Variants in RSBN1L observed in about 807,000 individuals in gnomAD.
RSBN1L encodes round spermatid basic protein 1 like.
A neutral mutation model predicts 67.7 loss-of-function variants in RSBN1L; 30 were observed. The ratio of observed to expected loss-of-function variants is 0.44; its 90% CI spans 0.33 to 0.60. The LOEUF (loss-of-function observed/expected upper bound fraction) is 0.60. Ranked by LOEUF, RSBN1L falls within the 20% of genes least tolerant of loss-of-function variation. The pLI, the probability that RSBN1L is intolerant of heterozygous loss-of-function variation, is 0.02. For synonymous variants in RSBN1L, 433 were observed against 387.0 expected, an observed-to-expected ratio of 1.12 and a Z score of -1.39; for missense variants, 992 against 1,031.7, an observed-to-expected ratio of 0.96 and a Z score of 0.53.
intron 7 of RSBN1L, 27 bp from the exon 8 acceptor site, chr7:77,778,503 T>C (rs1238833751): frequency 6.3e-7 from 1 of 1,596,812 alleles, no homozygotes; most frequent in South Asian, 1.1e-5. Context: ...GAGAGTTATT[T>C]GTATTTCTTG....
intron 1 of RSBN1L, among the ~76,000 whole-genome samples, chr7:77,709,838 A>G (rs1263949078): frequency 3.9e-5 from 6 of 152,192 alleles, no homozygotes; most frequent in Non-Finnish European, 8.8e-5. Context: ...GTCCATTTTT[A>G]AATCTATATA....
chr7:77,761,349 AC>A (rs1323775073), intron 3 of RSBN1L, among the ~76,000 whole-genome samples: 1 of 152,148 alleles, frequency 6.6e-6, no homozygotes, highest in African/African-American at 2.4e-5. Context: ...AAGAAGAAGA[AC>A]TTTTATGAGC....
At chr7:77,767,447 C>A (rs1791784124) in intron 4 of RSBN1L, among the ~76,000 whole-genome samples, 1 of 151,994 alleles carries the variant, frequency 6.6e-6, no homozygotes, top group Non-Finnish European at 1.5e-5. Flanking sequence ...GATCTCGGCT[C>A]ACTGCAACCT....
At chr7:77,750,144 G>A in intron 3 of RSBN1L, 80 bp downstream of exon 3, 1 of 811,538 alleles carries the variant, frequency 1.2e-6, no homozygotes, top group Non-Finnish European at 1.8e-6. Context: ...CCTAATTATA[G>A]GGCTGAAATA....
At chr7:77,702,671 T>C (rs1345708951) in intron 1 of RSBN1L, among the ~76,000 whole-genome samples, 1 of 152,210 alleles carries the variant, frequency 6.6e-6, no homozygotes, top group African/African-American at 2.4e-5. Context: ...CTCGGGCTGC[T>C]ATAATAAAAT....
chr7:77,724,116 C>T (rs555892386), intron 1 of RSBN1L, among the ~76,000 whole-genome samples: 3 of 151,996 alleles, frequency 2.0e-5, no homozygotes, highest in South Asian at 2.1e-4. Flanking sequence ...TTTTTCTCCT[C>T]TTGATTAACT....
At chr7:77,710,298 A>C (rs544118218) in intron 1 of RSBN1L, among the ~76,000 whole-genome samples, 1 of 152,286 alleles carries the variant, frequency 6.6e-6, no homozygotes, top group Admixed American at 6.5e-5. Flanking sequence ...ATGTCTAATC[A>C]TCTCACTTTT....
intron 1 of RSBN1L, among the ~76,000 whole-genome samples, chr7:77,709,306 T>C (rs1208836557): frequency 6.6e-6 from 1 of 152,100 alleles, no homozygotes; most frequent in African/African-American, 2.4e-5. Context: ...TTCTTTTTTT[T>C]TGAGACAGAG....
At chr7:77,772,000 A>C (rs1486042744) in intron 5 of RSBN1L, among the ~76,000 whole-genome samples, 1 of 152,172 alleles carries the variant, frequency 6.6e-6, no homozygotes, top group African/African-American at 2.4e-5. Context: ...TGATAATAAT[A>C]GTCTAACAAA....
intron 1 of RSBN1L, among the ~76,000 whole-genome samples, chr7:77,730,754 T>C (rs1323527647): frequency 1.3e-5 from 2 of 152,238 alleles, no homozygotes; most frequent in Admixed American, 1.3e-4. Flanking sequence ...TGAAGAATAT[T>C]CCATTGTCTG....
intron 6 of RSBN1L, among the ~76,000 whole-genome samples, chr7:77,777,130 T>C (rs1791928846): frequency 1.3e-5 from 2 of 152,018 alleles, no homozygotes; most frequent in South Asian, 4.1e-4. Context: ...TTATGTAATG[T>C]GTAAGAACCT....
intron 2 of RSBN1L, among the ~76,000 whole-genome samples, chr7:77,748,327 G>A (rs1226249373): frequency 3.3e-5 from 5 of 152,016 alleles, no homozygotes; most frequent in South Asian, 4.2e-4. Flanking sequence ...GTCAAATCAC[G>A]GAGACACCAG....
At chr7:77,724,442 T>G (rs118109305) in intron 1 of RSBN1L, among the ~76,000 whole-genome samples, 1,848 of 151,230 alleles carry the variant, frequency 0.012, 16 homozygotes, top group Middle Eastern at 0.034. Context: ...CTTTTTTTTT[T>G]TTTTTGAGAG....
chr7:77,749,675 G>A lies in RSBN1L; in HGVS notation c.955G>A (p.Glu319Lys). 6.2e-7 allele frequency: 1 copy of A among 1,614,166 alleles called. No homozygotes were observed. The highest frequency in any genetic ancestry group is 1.3e-5 in the African/African-American group (1 of 75,050). The change falls in exon 3 of 8, where the codon GAG becomes AAG. Residue 319 changes from glutamate (E) to lysine (K), a missense_variant. This residue lies in a region of RSBN1L where 575 missense variants were observed against 483.2 expected (regional missense o/e 1.19). Transcript: ENST00000334955. ...CAAGAACTATGATTCCAAAATTCCA[G>A]AGAACAGTGAGTTTCCATTTGTCTC... ...DTKNYDSKIP[E>K]NSEFPFVSLK... is the part of the protein sequence containing the mutation.
chr7:77,697,623 C>A (rs930006232), intron 1 of RSBN1L, among the ~76,000 whole-genome samples: 2 of 152,106 alleles, frequency 1.3e-5, no homozygotes, highest in African/African-American at 4.8e-5. Flanking sequence ...AAGGTACCCT[C>A]CCTGCACCCT....
intron 5 of RSBN1L, among the ~76,000 whole-genome samples, chr7:77,770,564 C>T (rs1315310810): frequency 6.6e-6 from 1 of 151,774 alleles, no homozygotes. Flanking sequence ...ATGCCCGTAG[C>T]CCTAGCTACT....
chr7:77,705,193 C>G (rs1421970817), intron 1 of RSBN1L, among the ~76,000 whole-genome samples: 1 of 151,880 alleles, frequency 6.6e-6, no homozygotes, highest in Non-Finnish European at 1.5e-5. Context: ...AATACATGTA[C>G]CTTGACTTTT....
intron 1 of RSBN1L, among the ~76,000 whole-genome samples, chr7:77,697,724 C>T (rs79364124): frequency 7.9e-4 from 121 of 152,248 alleles, no homozygotes; most frequent in South Asian, 4.1e-3. Context: ...CTTTTTTTCC[C>T]TGCAGCAAAT....
chr7:77,717,879 C>T (rs1385941117), intron 1 of RSBN1L, among the ~76,000 whole-genome samples: 3 of 152,184 alleles, frequency 2.0e-5, no homozygotes, highest in East Asian at 1.9e-4. Context: ...ATTAGCTGGG[C>T]GTGGTGCTGT....
Sources: gnomAD v4.1 joint callset for allele counts (sites outside exome capture counted in the v4.1 genomes callset) on GRCh38, gnomAD v4.1.1 for gene constraint, gnomAD v4.1.1 regional missense constraint, MANE v1.5 for transcripts, NCBI Gene and HGNC (gene_info 2026-07-23, HGNC 2026-07-21) for gene names.